KLF12: variants seen among roughly 807,000 people sequenced by gnomAD.
KLF12 encodes Krueppel-like factor 12.
KLF12 carries 9 observed loss-of-function variants against 37.8 expected under a neutral mutation model. That is an observed-to-expected ratio of 0.24 (90% CI 0.14 to 0.42). KLF12 has a LOEUF of 0.42. KLF12 is among the 10% of genes least tolerant of loss of function. The probability of loss-of-function intolerance (pLI) is 1.00; values close to 1 mark genes in which losing one functional copy is unlikely to be tolerated. For missense variants in KLF12, 411 were observed against 516.0 expected, an observed-to-expected ratio of 0.80 and a Z score of 1.97; for synonymous variants, 208 against 202.1, an observed-to-expected ratio of 1.03 and a Z score of -0.25.
intron 1 of KLF12, among the ~76,000 whole-genome samples, chr13:74,032,103 C>T (rs750900042): frequency 2.0e-5 from 3 of 152,028 alleles, no homozygotes; most frequent in African/African-American, 4.8e-5. Context: ...TCATTTTTCA[C>T]GTAAAAATCC....
chr13:73,842,750 A>G (rs1279256476), intron 4 of KLF12, among the ~76,000 whole-genome samples: 1 of 152,200 alleles, frequency 6.6e-6, no homozygotes, highest in Non-Finnish European at 1.5e-5. Flanking sequence ...GCTCATGCAT[A>G]CCAGAAATAC....
chr13:74,145,486 C>T, the KLF12 span, among the ~76,000 whole-genome samples: 1 of 152,154 alleles, frequency 6.6e-6, no homozygotes, highest in Non-Finnish European at 1.5e-5. Flanking sequence ...AGATAAGAAA[C>T]ATATGGCTGT....
intron 1 of KLF12, among the ~76,000 whole-genome samples, chr13:73,996,963 C>G (rs575626870): frequency 6.7e-6 from 1 of 149,748 alleles, no homozygotes; most frequent in South Asian, 2.1e-4. Flanking sequence ...TTCTTACAAA[C>G]CCCTGTCTTA....
At chr13:73,781,436 ATTG>A (rs1566363912) in intron 5 of KLF12, among the ~76,000 whole-genome samples, 1 of 152,200 alleles carries the variant, frequency 6.6e-6, no homozygotes, top group African/African-American at 2.4e-5. Flanking sequence ...TTTCTCCATC[ATTG>A]TTATTACAAA....
chr13:73,916,226 C>G (rs1056360608), intron 3 of KLF12, among the ~76,000 whole-genome samples: 16 of 74,194 alleles, frequency 2.2e-4, no homozygotes, highest in African/African-American at 7.1e-4. Context: ...CACACACACA[C>G]ACACACACAC....
chr13:73,964,606 T>TAAA (rs71115627), intron 2 of KLF12, among the ~76,000 whole-genome samples: 41,227 of 136,760 alleles, frequency 0.3, 6,369 homozygotes, highest in Middle Eastern at 0.41. Context: ...CGTCTCTACT[T>TAAA]AAAAAAAAAA....
chr13:74,228,236 T>C, the KLF12 span, among the ~76,000 whole-genome samples: 1 of 152,120 alleles, frequency 6.6e-6, no homozygotes, highest in Non-Finnish European at 1.5e-5. Flanking sequence ...CTGCACCGTA[T>C]GTTAAAAAAT....
intron 6 of KLF12, among the ~76,000 whole-genome samples, chr13:73,728,971 T>G (rs1876862137): frequency 6.6e-6 from 1 of 152,214 alleles, no homozygotes; most frequent in Non-Finnish European, 1.5e-5. Context: ...CATGGCACCA[T>G]GTTTACACTA....
chr13:74,139,165 T>G, the KLF12 span, among the ~76,000 whole-genome samples: 1 of 152,208 alleles, frequency 6.6e-6, no homozygotes, highest in Non-Finnish European at 1.5e-5. Context: ...CCTGCGCCAA[T>G]GGGAGATATA....
At chr13:73,930,849 T>A (rs1210918810) in intron 3 of KLF12, among the ~76,000 whole-genome samples, 2 of 147,196 alleles carry the variant, frequency 1.4e-5, no homozygotes, top group Non-Finnish European at 3.0e-5. Flanking sequence ...TCTATGTGAA[T>A]AACTGGAAAC....
rs189875983 is a variant in KLF12 at position 74,047,004 on chromosome 13, A to G, written c.-31-51951T>C. Among the ~76,000 whole-genome samples, 420 of 152,340 alleles carry G rather than the reference A, an allele frequency of 2.8e-3. 4 individuals carry two copies. Among genetic ancestry groups the G allele is most frequent in the African/African-American group, 9.3e-3 (387 of 41,582 alleles). ...ACTACTGAAAAACAGGAAAAAAATCAAGAAATTAACATATATATTGGTTTT... is the reference window on the plus strand; with the variant it reads ...ACTACTGAAAAACAGGAAAAAAATCGAGAAATTAACATATATATTGGTTTT... On this transcript the variant is annotated intron_variant, in intron 1 of 7. Coordinates refer to ENST00000377669, the MANE Select transcript of KLF12 (RefSeq NM_007249.5).
chr13:74,017,258 T>TAAA (rs56321692), intron 1 of KLF12, among the ~76,000 whole-genome samples: 1 of 45,590 alleles, frequency 2.2e-5, no homozygotes, highest in African/African-American at 8.8e-5. Flanking sequence ...GCCCTCAACC[T>TAAA]AAAAAAAAAA....
the KLF12 span, among the ~76,000 whole-genome samples, chr13:74,286,280 A>G: frequency 3.3e-5 from 5 of 152,344 alleles, no homozygotes; most frequent in South Asian, 1.0e-3. Context: ...AAAAGTACAA[A>G]TGTGTTAAAA....
intron 3 of KLF12, among the ~76,000 whole-genome samples, chr13:73,928,539 A>T (rs1247078862): frequency 2.0e-5 from 3 of 152,222 alleles, no homozygotes; most frequent in Non-Finnish European, 2.9e-5. Flanking sequence ...GAGGAAGTAC[A>T]TTTCCAACAC....
In KLF12 at chr13:74,026,157, GAA is replaced by G. The variant is rs5804710; in HGVS notation, c.-31-31106_-31-31105del. Among the ~76,000 whole-genome samples the G allele has an allele frequency of 1.9e-3, 261 of 140,282 alleles. 2 individuals are homozygous for G. Among genetic ancestry groups the G allele is most frequent in the African/African-American group, 5.5e-3 (208 of 37,858 alleles). The allele number at this position is 140,282 out of a possible 152,430, so 92.0% of individuals were successfully genotyped here. On this transcript the variant is annotated intron_variant, in intron 1 of 7. Transcript: ENST00000377669. Reference sequence around the variant, plus strand: ...GAAAAAATTAACTCAAGATTTTGAAGAAAAAAAAAAAAAACCTTTACCTTGGA... The same window carrying G: ...GAAAAAATTAACTCAAGATTTTGAAGAAAAAAAAAAAACCTTTACCTTGGA...
the KLF12 span, among the ~76,000 whole-genome samples, chr13:74,149,175 A>C: frequency 6.6e-6 from 1 of 152,228 alleles, no homozygotes; most frequent in East Asian, 1.9e-4. Context: ...CAGTCTTGAT[A>C]GACTTAGAGG....
At chr13:73,946,492 T>C (rs993941844) in intron 2 of KLF12, among the ~76,000 whole-genome samples, 1 of 152,256 alleles carries the variant, frequency 6.6e-6, no homozygotes, top group African/African-American at 2.4e-5. Context: ...TATCACTATA[T>C]ATTCATGATG....
chr13:74,289,402 A>C, the KLF12 span, among the ~76,000 whole-genome samples: 1 of 152,232 alleles, frequency 6.6e-6, no homozygotes, highest in Non-Finnish European at 1.5e-5. Flanking sequence ...CTTTAAGGAC[A>C]TGCAATAGTG....
the KLF12 span, among the ~76,000 whole-genome samples, chr13:74,151,423 G>A: frequency 6.6e-6 from 1 of 152,158 alleles, no homozygotes; most frequent in Admixed American, 6.5e-5. Flanking sequence ...GCCCGAGGTG[G>A]GCGGATTGCT....
Sources: gnomAD v4.1 joint callset for allele counts (sites outside exome capture counted in the v4.1 genomes callset) on GRCh38, gnomAD v4.1.1 for gene constraint, MANE v1.5 for transcripts, NCBI Gene and HGNC (gene_info 2026-07-23, HGNC 2026-07-21) for gene names.